EXTL2: variants seen among roughly 807,000 people sequenced by gnomAD.
EXTL2 encodes exostosin like glycosyltransferase 2, also known as exostosin-like 2.
A neutral mutation model predicts 30.7 loss-of-function variants in EXTL2; 23 were observed. The ratio of observed to expected loss-of-function variants is 0.75; its 90% CI spans 0.54 to 1.06. The LOEUF (loss-of-function observed/expected upper bound fraction) is 1.06. Among genes scored for constraint, EXTL2 ranks in the 50% least tolerant of loss-of-function variants. The pLI, the probability that EXTL2 is intolerant of heterozygous loss-of-function variation, is 0.00. For missense variants in EXTL2, 352 were observed against 396.3 expected (o/e 0.89, Z 0.95); for synonymous variants, 123 against 133.8 (o/e 0.92, Z 0.56).
At chr1:100,883,341 A>G (rs541425257) in intron 2 of EXTL2, among the ~76,000 whole-genome samples, 48 of 152,248 alleles carry the variant, frequency 3.2e-4, no homozygotes, top group African/African-American at 1.2e-3. Context: ...TCAACACCTC[A>G]GAAAGAAACC....
At chr1:100,876,652 TAGCCTATAACAAA>T in intron 4 of EXTL2, 129 bp downstream of exon 4, 1 of 512,000 alleles carries the variant, frequency 2.0e-6, no homozygotes. Flanking sequence ...AAATCTTGAT[TAGCCTATAACAAA>T]TTCATCCATC....
chr1:100,885,151 G>T (rs146444531), intron 2 of EXTL2, among the ~76,000 whole-genome samples: 13 of 152,282 alleles, frequency 8.5e-5, no homozygotes, highest in African/African-American at 3.1e-4. Flanking sequence ...GACCACACAG[G>T]CCCCCTTTCT....
At chr1:100,888,632 C>A in intron 2 of EXTL2, 121 bp downstream of exon 2, 1 of 451,468 alleles carries the variant, frequency 2.2e-6, no homozygotes, top group Non-Finnish European at 4.0e-6. Flanking sequence ...ATCGGCCGCA[C>A]AACAATGTGA....
chr1:100,888,727 A>G (rs1650169600), intron 2 of EXTL2, 26 bp downstream of exon 2: 1 of 1,430,194 alleles, frequency 7.0e-7, no homozygotes, highest in South Asian at 1.2e-5. Context: ...ACAGTTAAAC[A>G]AAAGCCAAAA....
intron 2 of EXTL2, among the ~76,000 whole-genome samples, chr1:100,882,848 C>T (rs1649670821): frequency 6.6e-6 from 1 of 151,550 alleles, no homozygotes; most frequent in African/African-American, 2.4e-5. Context: ...AAACAAAAAA[C>T]ACAACAAACC....
chr1:100,884,573 A>G (rs967906679), intron 2 of EXTL2, among the ~76,000 whole-genome samples: 4 of 152,222 alleles, frequency 2.6e-5, no homozygotes, highest in African/African-American at 9.6e-5. Flanking sequence ...AATTCCAAAA[A>G]GACATTTCCC....
At position 100,877,610 on chromosome 1, in the gene EXTL2, T is replaced by C. The variant is rs766310786; in HGVS notation, c.299A>G (p.Asn100Ser). Residue 100 changes from asparagine to serine, a missense_variant, in exon 3 of 5, where the codon AAC (asparagine) becomes AGC (serine). Transcript: ENST00000370114. This position sits in a 1 kb window ranked among gnomAD's most constrained non-coding sequence, Gnocchi z 4.1. ...ATCTGGTGCCTTCTCTCCAATATTG[T>C]TCCATACCACAATCACTTTGTGCAG... is the stretch of plus-strand genomic sequence containing the variant. ...PNLHKVIVVW[N>S]NIGEKAPDEL... 1.2e-6 allele frequency: 2 copies of C among 1,613,496 alleles called. No individual in the cohort carries two copies. The highest frequency in any genetic ancestry group is 8.5e-7 in the Non-Finnish European group (1 of 1,179,580).
At chr1:100,887,994 TGCCCGCCAC>T (rs1650111774) in intron 2 of EXTL2, among the ~76,000 whole-genome samples, 1 of 152,206 alleles carries the variant, frequency 6.6e-6, no homozygotes, top group South Asian at 2.1e-4. Flanking sequence ...CACCGCGCCC[TGCCCGCCAC>T]ATTGTATTTT....
At chr1:100,881,692 T>A (rs1161405114) in intron 2 of EXTL2, among the ~76,000 whole-genome samples, 1 of 152,170 alleles carries the variant, frequency 6.6e-6, no homozygotes, top group African/African-American at 2.4e-5. Context: ...AAAACAAAAA[T>A]CCTTCCTCTT....
chr1:100,872,583 C>T lies in EXTL2; in HGVS notation c.*1359G>A, dbSNP rs982947251. ...AATGTAAAAAAAAAACCATCATATGCGGAACTAAATGCACAAAGACCTCAT... is the reference window on the plus strand; with the variant it reads ...AATGTAAAAAAAAAACCATCATATGTGGAACTAAATGCACAAAGACCTCAT... On this transcript the variant is annotated 3_prime_UTR_variant, in exon 5 of 5. Transcript: ENST00000370114. The T allele has an allele frequency of 5.9e-5, 9 of 151,926 alleles. No individual in the cohort carries two copies. The highest frequency in any genetic ancestry group is 1.2e-4 in the African/African-American group (5 of 41,270). 9.4% of individuals were successfully genotyped at this position (151,926 alleles called of 1,614,324 possible). A position where few individuals can be genotyped will look rare whatever the true frequency, so the allele number is the denominator to read the frequency against.
At chr1:100,880,984 T>G in intron 2 of EXTL2, 5 of 979,356 alleles carry the variant, frequency 5.1e-6, no homozygotes, top group Non-Finnish European at 6.1e-6. Context: ...TTCTTTTAAG[T>G]AGGAGTTTAT....
chr1:100,884,577 A>T (rs1649819070), intron 2 of EXTL2, among the ~76,000 whole-genome samples: 1 of 152,078 alleles, frequency 6.6e-6, no homozygotes, highest in African/African-American at 2.4e-5. Context: ...CCAAAAAGAC[A>T]TTTCCCCTCA....
chr1:100,893,812 T>C (rs1650623258), intron 1 of EXTL2, among the ~76,000 whole-genome samples: 1 of 152,184 alleles, frequency 6.6e-6, no homozygotes, highest in South Asian at 2.1e-4. Context: ...GACTGAAAGA[T>C]GTGAAGACAT....
chr1:100,877,024 A>T lies in EXTL2; in HGVS notation c.434-160T>A, dbSNP rs1034663565. Among the ~76,000 whole-genome samples the T allele has an allele frequency of 3.3e-5, 5 of 152,048 alleles. No individual in the cohort carries two copies. The highest frequency in any genetic ancestry group is 7.4e-5 in the Non-Finnish European group (5 of 67,984). On this transcript the variant is annotated intron_variant, in intron 3 of 4. Coordinates refer to ENST00000370114, the MANE Select transcript of EXTL2 (RefSeq NM_001033025.3). This position sits in a 1 kb window ranked among gnomAD's most constrained non-coding sequence, Gnocchi z 4.1. ...GGGGAGATTTGTCCAGTAGAAAATA[A>T]TTTTTTTGGTATCATAACTGATTGT...
Position 100,873,156 on chromosome 1 carries a change from C to A in EXTL2, c.*786G>T, listed in dbSNP as rs758795330. 4 of 152,046 alleles carry A rather than the reference C, an allele frequency of 2.6e-5. No homozygotes were observed. Among genetic ancestry groups the A allele is most frequent in the Middle Eastern group, 3.4e-3 (1 of 294 alleles). 9.4% of individuals were successfully genotyped at this position (152,046 alleles called of 1,614,324 possible). ...TATGTAAAATATAAGAATTAATGTA[C>A]ATTCTCAAGGTCAGATTCAGTGACA... On this transcript the variant is annotated 3_prime_UTR_variant, in exon 5 of 5. Transcript: ENST00000370114.
chr1:100,877,930 A>C lies in EXTL2; in HGVS notation c.6-27T>G. ...TGGAGTAGAAATGGAAACAACATAC[A>C]AATGTTAGCATTCTTACGAGTCCCT... On this transcript the variant is annotated intron_variant, in intron 2 of 4. Coordinates refer to ENST00000370114, the MANE Select transcript of EXTL2 (RefSeq NM_001033025.3). The surrounding 1 kb of genome is among the most constrained non-coding windows in gnomAD (Gnocchi z 4.1). The C allele has an allele frequency of 3.9e-6, 6 of 1,538,010 alleles. No individual in the cohort carries two copies. The highest frequency in any genetic ancestry group is 5.3e-6 in the Non-Finnish European group (6 of 1,135,622).
chr1:100,879,928 A>T lies in EXTL2; in HGVS notation c.6-2025T>A, dbSNP rs116479555. Among the ~76,000 whole-genome samples the T allele has an allele frequency of 2.7e-3, 418 of 152,308 alleles. 7 individuals carry two copies. Among genetic ancestry groups the T allele is most frequent in the African/African-American group, 9.8e-3 (407 of 41,568 alleles). ...TAGTCTAAATTTAGTTTGGAATAGA[A>T]TAGAATAGTTTTGGAATATTCTGTT... On this transcript the variant is annotated intron_variant, in intron 2 of 4. Transcript: ENST00000370114.
chr1:100,881,803 T>A (rs1016305791), intron 2 of EXTL2, among the ~76,000 whole-genome samples: 7 of 152,178 alleles, frequency 4.6e-5, no homozygotes, highest in African/African-American at 7.2e-5. Context: ...TTTTAGTTAT[T>A]TTGATACATT....
At chr1:100,884,885 C>T (rs1329449213) in intron 2 of EXTL2, among the ~76,000 whole-genome samples, 1 of 152,070 alleles carries the variant, frequency 6.6e-6, no homozygotes, top group African/African-American at 2.4e-5. Flanking sequence ...CTTTATAATC[C>T]AGAACAGTGT....
Sources: gnomAD v4.1 joint callset for allele counts (sites outside exome capture counted in the v4.1 genomes callset) on GRCh38, gnomAD v4.1.1 for gene constraint, Gnocchi (gnomAD v3.1) non-coding constraint, MANE v1.5 for transcripts, NCBI Gene and HGNC (gene_info 2026-07-23, HGNC 2026-07-21) for gene names.